Variants in DDX27 observed in about 807,000 individuals in gnomAD.
DDX27 encodes probable ATP-dependent RNA helicase DDX27.
In DDX27, 42 loss-of-function variants were observed where a neutral mutation model predicts 99.3. That is an observed-to-expected ratio of 0.42 (90% CI 0.33 to 0.55). The LOEUF is 0.55. Ranked by LOEUF, DDX27 falls within the 20% of genes least tolerant of loss-of-function variation. The pLI is 0.07. For synonymous variants in DDX27, 329 were observed against 353.8 expected, an observed-to-expected ratio of 0.93 and a Z score of 0.79; for missense variants, 798 against 976.8, an observed-to-expected ratio of 0.82 and a Z score of 2.44.
At chr20:49,228,290 C>T (rs1057311005) in intron 7 of DDX27, among the ~76,000 whole-genome samples, 1 of 152,078 alleles carries the variant, frequency 6.6e-6, no homozygotes, top group African/African-American at 2.4e-5. Flanking sequence ...TGCCCACCAC[C>T]AAGCCTGGCT....
intron 7 of DDX27, among the ~76,000 whole-genome samples, chr20:49,228,030 A>G (rs989181534): frequency 1.9e-4 from 29 of 151,132 alleles, no homozygotes; most frequent in Middle Eastern, 6.9e-3. Context: ...TAGTAGAGAC[A>G]GGGTTTTACT....
intron 16 of DDX27, among the ~76,000 whole-genome samples, chr20:49,240,376 A>G (rs1353247525): frequency 2.6e-5 from 4 of 152,174 alleles, no homozygotes; most frequent in African/African-American, 7.2e-5. Context: ...TCGCCTTTTC[A>G]CTTAATTTTG....
intron 10 of DDX27, 65 bp from the exon 11 acceptor site, chr20:49,233,503 G>GC (rs1460238837): frequency 6.2e-7 from 1 of 1,601,218 alleles, no homozygotes; most frequent in African/African-American, 1.3e-5. Context: ...CCTGGGGTGA[G>GC]CACTGCTTCC....
intron 1 of DDX27, among the ~76,000 whole-genome samples, 197 bp from the exon 2 acceptor site, chr20:49,221,255 C>T (rs1272818015): frequency 6.6e-6 from 1 of 152,148 alleles, no homozygotes; most frequent in Non-Finnish European, 1.5e-5. Context: ...CCACCACACC[C>T]GTCTTTTTTG....
intron 9 of DDX27, among the ~76,000 whole-genome samples, chr20:49,232,025 A>G (rs1479200259): frequency 6.6e-6 from 1 of 151,730 alleles, no homozygotes; most frequent in African/African-American, 2.4e-5. Flanking sequence ...AGCTACTACT[A>G]CAGGCACATG....
At chr20:49,223,552 T>A in intron 4 of DDX27, 119 bp downstream of exon 4, 1 of 859,918 alleles carries the variant, frequency 1.2e-6, no homozygotes, top group South Asian at 2.3e-5. Context: ...TTCTGCCTAC[T>A]ACATTGAACT....
chr20:49,242,870 C>T lies in DDX27; in HGVS notation c.2204+189C>T, dbSNP rs370902798. On this transcript the variant is annotated intron_variant, in intron 19 of 20. Coordinates refer to ENST00000618172, the MANE Select transcript of DDX27 (RefSeq NM_017895.8). Reference sequence around the variant, plus strand: ...CCAAGAAGCTGGGACTATAGGCGCACGCCACCATGCCCAACTAATTTTTGT... The same window carrying T: ...CCAAGAAGCTGGGACTATAGGCGCATGCCACCATGCCCAACTAATTTTTGT... 6.6e-5 allele frequency among the ~76,000 whole-genome samples: 10 copies of T among 152,196 alleles called. No homozygotes were observed. The South Asian group carries it at 8.3e-4, about 13-fold the overall frequency.
chr20:49,225,027 T>G, intron 5 of DDX27, 36 bp downstream of exon 5: 1 of 1,613,922 alleles, frequency 6.2e-7, no homozygotes, highest in Non-Finnish European at 8.5e-7. Context: ...TGCAGCTTGT[T>G]GGCAAACCGA....
At position 49,226,555 on chromosome 20, in the gene DDX27, A is replaced by G; in HGVS notation, c.706+20A>G. 6.2e-7 allele frequency: 1 copy of G among 1,601,242 alleles called. No individual in the cohort carries two copies. The highest frequency in any genetic ancestry group is 8.6e-7 in the Non-Finnish European group (1 of 1,169,364). On this transcript the variant is annotated intron_variant, in intron 7 of 20. Coordinates refer to ENST00000618172, the MANE Select transcript of DDX27 (RefSeq NM_017895.8). ...GGACAGGTGAAAAGGATAGGGACCCAGGGTGGGCAGAAGGGTGTTACGGCC... is the reference window on the plus strand; with the variant it reads ...GGACAGGTGAAAAGGATAGGGACCCGGGGTGGGCAGAAGGGTGTTACGGCC...
In DDX27 at chr20:49,243,908, T is replaced by G; in HGVS notation, c.*74T>G. The G allele has an allele frequency of 6.4e-7, 1 of 1,563,706 alleles. No homozygotes were observed. Among genetic ancestry groups the G allele is most frequent in the Non-Finnish European group, 8.8e-7 (1 of 1,141,560 alleles). ...CTGTGGGAAGTCATCCTGGCTGGTC[T>G]GTCTTTTCTCCATTTGTTTAAAAAA... On this transcript the variant is annotated 3_prime_UTR_variant, in exon 21 of 21. Transcript: ENST00000618172.
At chr20:49,240,658 A>C (rs561410842) in intron 16 of DDX27, among the ~76,000 whole-genome samples, 1 of 151,598 alleles carries the variant, frequency 6.6e-6, no homozygotes, top group East Asian at 1.9e-4. Context: ...CGATCTCCTG[A>C]CCTCGTGATC....
At chr20:49,234,604 G>A (rs879887094) in intron 11 of DDX27, 2 of 193,280 alleles carry the variant, frequency 1.0e-5, no homozygotes, top group East Asian at 1.3e-4. Flanking sequence ...TCCTGCCTCC[G>A]GGCCTTCATG....
Position 49,243,948 on chromosome 20 carries a change from AAACAACACTTT to A in DDX27, c.*115_*125del. The A allele has an allele frequency of 7.6e-7, 1 of 1,314,126 alleles. No individual in the cohort carries two copies. Among genetic ancestry groups the A allele is most frequent in the African/African-American group, 1.5e-5 (1 of 66,986 alleles). 81.4% of individuals were successfully genotyped at this position (1,314,126 alleles called of 1,614,324 possible). A position where few individuals can be genotyped will look rare whatever the true frequency, so the allele number is the denominator to read the frequency against. The stretch of plus-strand genomic sequence containing the variant: ...TGTTTAAAAAAAAAACAAAAACAAA[AAACAACACTTT>A]GGTGTGGTGGTATGGTACGTAGCTA... On this transcript the variant is annotated 3_prime_UTR_variant, in exon 21 of 21. Coordinates refer to ENST00000618172, the MANE Select transcript of DDX27 (RefSeq NM_017895.8).
In DDX27 at chr20:49,235,085, TC is replaced by T. The variant is rs1568976020; in HGVS notation, c.1426del (p.Arg476GlyfsTer29). The T allele has an allele frequency of 6.2e-7, 1 of 1,601,548 alleles. No homozygotes were observed. On this transcript the variant is annotated frameshift_variant and splice_region_variant, in exon 12 of 21. Coordinates refer to ENST00000618172, the MANE Select transcript of DDX27 (RefSeq NM_017895.8). LOFTEE classifies it high-confidence loss of function. ...TCACAGACGCAGCGGCTGGAGGCCCTCCGGTAACATTTGGGGTGGGGACTGA... is the reference window on the plus strand; with the variant it reads ...TCACAGACGCAGCGGCTGGAGGCCCTCGGTAACATTTGGGGTGGGGACTGA... Reference protein sequence around the residue: ...NLSQTQRLEALRRFKDEQIDI... With the variant: ...NLSQTQRLEAXRRFKDEQIDI...
intron 1 of DDX27, 121 bp from the exon 2 acceptor site, chr20:49,221,330 TG>T (rs1979673422): frequency 9.2e-7 from 1 of 1,085,042 alleles, no homozygotes; most frequent in African/African-American, 1.6e-5. Flanking sequence ...TGACCTTGTC[TG>T]CGTGCCTTCG....
intron 12 of DDX27, 32 bp downstream of exon 12, chr20:49,235,120 C>T: frequency 6.4e-7 from 1 of 1,560,688 alleles, no homozygotes; most frequent in East Asian, 2.3e-5. Flanking sequence ...GAGGCTCCCA[C>T]CATCCTTCTG....
At chr20:49,241,075 G>A (rs1164445972) in intron 16 of DDX27, among the ~76,000 whole-genome samples, 5 of 152,178 alleles carry the variant, frequency 3.3e-5, no homozygotes, top group African/African-American at 1.2e-4. Context: ...ACAAACAAGT[G>A]ATGTAGGGAA....
Position 49,219,440 on chromosome 20 carries a change from T to C in DDX27, c.-9T>C. The stretch of plus-strand genomic sequence containing the variant: ...TGTGCTCGCTTCCGGAAGTGGCTTC[T>C]GCGACAACATGCTTGCGGACCTCGG... On this transcript the variant is annotated 5_prime_UTR_variant, in exon 1 of 21. Coordinates refer to ENST00000618172, the MANE Select transcript of DDX27 (RefSeq NM_017895.8). 6.2e-7 allele frequency: 1 copy of C among 1,614,126 alleles called. No homozygotes were observed. The highest frequency in any genetic ancestry group is 1.1e-5 in the South Asian group (1 of 91,082).
intron 8 of DDX27, 83 bp downstream of exon 8, chr20:49,228,971 T>TGGTGAC: frequency 7.6e-7 from 1 of 1,316,068 alleles, no homozygotes; most frequent in Non-Finnish European, 1.0e-6. Flanking sequence ...CTGTTGGTGT[T>TGGTGAC]GGTGACAGGT....
Sources: gnomAD v4.1 joint callset for allele counts (sites outside exome capture counted in the v4.1 genomes callset) on GRCh38, gnomAD v4.1.1 for gene constraint, MANE v1.5 for transcripts, NCBI Gene and HGNC (gene_info 2026-07-23, HGNC 2026-07-21) for gene names.